Variants in ASCC3 observed in about 807,000 individuals in gnomAD.
ASCC3 encodes the protein activating signal cointegrator 1 complex subunit 3.
A neutral mutation model predicts 256.3 loss-of-function variants in ASCC3; 158 were observed. That is an observed-to-expected ratio of 0.62 (90% CI 0.54 to 0.70). ASCC3 has a LOEUF of 0.70. ASCC3 is among the 30% of genes least tolerant of loss of function. The pLI is 0.00. For synonymous variants in ASCC3, 948 were observed against 883.4 expected (o/e 1.07, Z -1.30); for missense variants, 2,259 against 2,626.0 (o/e 0.86, Z 3.05).
intron 4 of ASCC3, among the ~76,000 whole-genome samples, chr6:100,832,360 T>A (rs1212723865): frequency 1.3e-5 from 2 of 152,236 alleles, no homozygotes; most frequent in East Asian, 3.9e-4. Flanking sequence ...TTATTCTTAT[T>A]ATTCAAGAAT....
chr6:100,624,779 T>C (rs915896000), intron 30 of ASCC3, among the ~76,000 whole-genome samples: 1 of 151,978 alleles, frequency 6.6e-6, no homozygotes, highest in African/African-American at 2.4e-5. Flanking sequence ...TAATTTAAAA[T>C]TTTACTGGTG....
At chr6:100,614,564 C>T (rs560054690) in intron 30 of ASCC3, among the ~76,000 whole-genome samples, 1 of 152,290 alleles carries the variant, frequency 6.6e-6, no homozygotes, top group East Asian at 1.9e-4. Context: ...ATTAATCCTA[C>T]CAAGGCCACA....
intron 36 of ASCC3, among the ~76,000 whole-genome samples, chr6:100,560,700 T>C (rs144105306): frequency 1.9e-3 from 289 of 150,784 alleles, no homozygotes; most frequent in African/African-American, 6.6e-3. Context: ...AAAGCAAACA[T>C]GCATTCTTAT....
At chr6:100,694,077 G>T (rs935650258) in intron 13 of ASCC3, among the ~76,000 whole-genome samples, 1 of 151,996 alleles carries the variant, frequency 6.6e-6, no homozygotes, top group Non-Finnish European at 1.5e-5. Context: ...AATTATATTT[G>T]CTCTTGGATA....
At chr6:100,576,386 A>G (rs1770860440) in intron 36 of ASCC3, among the ~76,000 whole-genome samples, 1 of 152,098 alleles carries the variant, frequency 6.6e-6, no homozygotes, top group Non-Finnish European at 1.5e-5. Context: ...TAATTTTAAA[A>G]GTAACTCTGG....
intron 10 of ASCC3, among the ~76,000 whole-genome samples, chr6:100,740,954 TTA>T (rs1285132630): frequency 6.6e-6 from 1 of 152,190 alleles, no homozygotes; most frequent in African/African-American, 2.4e-5. Context: ...TATTGGCTAG[TTA>T]TATGGTTGCT....
At chr6:100,849,928 C>T (rs1374226262) in intron 3 of ASCC3, among the ~76,000 whole-genome samples, 4 of 151,610 alleles carry the variant, frequency 2.6e-5, no homozygotes, top group East Asian at 1.9e-4. Flanking sequence ...GGTGAAATCC[C>T]GTCTTTACTA....
intron 37 of ASCC3, among the ~76,000 whole-genome samples, chr6:100,529,272 A>G (rs1774746374): frequency 6.6e-6 from 1 of 152,182 alleles, no homozygotes; most frequent in African/African-American, 2.4e-5. Context: ...CTATGGATCA[A>G]CAATCTGATC....
At chr6:100,607,870 A>G (rs1257119818) in intron 30 of ASCC3, among the ~76,000 whole-genome samples, 1 of 150,898 alleles carries the variant, frequency 6.6e-6, no homozygotes, top group African/African-American at 2.4e-5. Context: ...TCAATAGTAC[A>G]GCTAAACACT....
At chr6:100,784,446 T>C in intron 8 of ASCC3, among the ~76,000 whole-genome samples, 1 of 152,052 alleles carries the variant, frequency 6.6e-6, no homozygotes, top group East Asian at 1.9e-4. Flanking sequence ...AGCACAAAGA[T>C]GCTTGCTTTA....
In ASCC3 at chr6:100,848,614, G is replaced by A; in HGVS notation, c.335C>T (p.Thr112Ile). ...HLKDSVGHKETKAIKQMFGPF... is the reference protein window; with the variant it reads ...HLKDSVGHKEIKAIKQMFGPF... Reference sequence around the variant, plus strand: ...GCCAAACATCTGTTTGATAGCCTTTGTTTCCTTGTGACCAACAGAGTCCTT... The same window carrying A: ...GCCAAACATCTGTTTGATAGCCTTTATTTCCTTGTGACCAACAGAGTCCTT... The change falls in exon 4 of 42, where the codon ACA becomes ATA. Residue 112 changes from threonine to isoleucine, a missense_variant. Physicochemically the swap from Thr to Ile is moderately conservative, Grantham distance 89. This residue lies in a region of ASCC3 where 420 missense variants were observed against 419.3 expected (regional missense o/e 1.00). Coordinates refer to ENST00000369162, the MANE Select transcript of ASCC3 (RefSeq NM_006828.4). 6.2e-7 allele frequency: 1 copy of A among 1,614,106 alleles called. No individual in the cohort carries two copies. Among genetic ancestry groups the A allele is most frequent in the South Asian group, 1.1e-5 (1 of 91,078 alleles).
At chr6:100,796,788 T>C (rs1369330395) in intron 8 of ASCC3, among the ~76,000 whole-genome samples, 1 of 152,130 alleles carries the variant, frequency 6.6e-6, no homozygotes, top group Non-Finnish European at 1.5e-5. Context: ...GGTCTTTTGT[T>C]ATGGCAGACG....
intron 36 of ASCC3, among the ~76,000 whole-genome samples, chr6:100,577,336 A>G (rs894438437): frequency 2.0e-5 from 3 of 152,030 alleles, no homozygotes; most frequent in Non-Finnish European, 4.4e-5. Flanking sequence ...TACTGTTTTC[A>G]AGATCCAAAG....
chr6:100,608,969 A>G (rs1009863217), intron 30 of ASCC3, among the ~76,000 whole-genome samples: 2 of 149,170 alleles, frequency 1.3e-5, no homozygotes, highest in East Asian at 2.0e-4. Context: ...TTCCCGTGTT[A>G]GCCAGGATGG....
intron 3 of ASCC3, among the ~76,000 whole-genome samples, chr6:100,861,067 G>A (rs932830102): frequency 1.3e-5 from 2 of 152,056 alleles, no homozygotes; most frequent in Admixed American, 1.3e-4. Context: ...GTGGTAAAAG[G>A]CTGAAATGGG....
rs201601696 is a variant in ASCC3, at chr6:100,630,541, GT to G, written c.4208+586del. ...CTTTCCGTATAAAAAAATTCATATAGTTTTTTTTACAGAGTAATACAATATT... is the reference window on the plus strand; with the variant it reads ...CTTTCCGTATAAAAAAATTCATATAGTTTTTTTACAGAGTAATACAATATT... On this transcript the variant is annotated intron_variant, in intron 26 of 41. Coordinates refer to ENST00000369162, the MANE Select transcript of ASCC3 (RefSeq NM_006828.4). Among the ~76,000 whole-genome samples the G allele has an allele frequency of 3.6e-4, 52 of 145,090 alleles. 1 individual carries two copies. Among genetic ancestry groups the G allele is most frequent in the Admixed American group, 3.0e-3 (43 of 14,524 alleles).
At chr6:100,528,070 C>T (rs1294295547) in intron 37 of ASCC3, among the ~76,000 whole-genome samples, 1 of 151,940 alleles carries the variant, frequency 6.6e-6, no homozygotes, top group Non-Finnish European at 1.5e-5. Context: ...AATTCCTGGC[C>T]TCAAGTGATC....
intron 10 of ASCC3, among the ~76,000 whole-genome samples, chr6:100,748,225 G>A (rs1168520329): frequency 6.6e-6 from 1 of 151,672 alleles, no homozygotes; most frequent in Non-Finnish European, 1.5e-5. Context: ...TCTTTGAATT[G>A]TAAGAGCCAG....
At chr6:100,642,786 T>G (rs1562192419) in intron 23 of ASCC3, 37 bp from the exon 24 acceptor site, 1 of 1,554,976 alleles carries the variant, frequency 6.4e-7, no homozygotes, top group South Asian at 1.1e-5. Context: ...ATATGGATAT[T>G]CTAATAGCAT....
Sources: allele counts gnomAD v4.1 joint callset (sites outside exome capture counted in the v4.1 genomes callset), GRCh38; gene constraint gnomAD v4.1.1; regional missense constraint gnomAD v4.1.1; transcripts MANE v1.5; gene names NCBI Gene and HGNC (gene_info 2026-07-23, HGNC 2026-07-21).